Variants in MCUB observed in about 807,000 individuals in gnomAD.
The protein encoded by MCUB is calcium uniporter regulatory subunit MCUb, mitochondrial.
Under a neutral mutation model 41.4 loss-of-function variants are expected in MCUB, and 46 were observed. That is an observed-to-expected ratio of 1.11 (90% CI 0.88 to 1.42). The LOEUF (loss-of-function observed/expected upper bound fraction) is 1.42, where lower values mean the gene tolerates loss of function less well. Ranked by LOEUF, MCUB falls within the 40% of genes most tolerant of loss-of-function variation. MCUB has a pLI of 0.00. For synonymous variants in MCUB, 148 were observed against 148.2 expected (o/e 1.00, Z 0.01); for missense variants, 403 against 404.9 (o/e 1.00, Z 0.04).
chr4:109,681,969 G>C (rs1729727017), intron 4 of MCUB, among the ~76,000 whole-genome samples: 1 of 152,254 alleles, frequency 6.6e-6, no homozygotes, highest in Non-Finnish European at 1.5e-5. Context: ...TCGAATGCCT[G>C]GTTTTATATC....
At chr4:109,632,678 C>G (rs924134954) in intron 1 of MCUB, among the ~76,000 whole-genome samples, 4 of 144,362 alleles carry the variant, frequency 2.8e-5, no homozygotes, top group African/African-American at 1.0e-4. Context: ...TGCAATGGCG[C>G]GATCTTGATT....
chr4:109,575,561 T>C (rs1342821433), intron 1 of MCUB, among the ~76,000 whole-genome samples: 2 of 152,218 alleles, frequency 1.3e-5, no homozygotes, highest in Non-Finnish European at 2.9e-5. Context: ...AGTGGGATTG[T>C]GCTGCCATTT....
intron 1 of MCUB, among the ~76,000 whole-genome samples, chr4:109,609,558 C>G (rs1727953423): frequency 6.6e-6 from 1 of 152,170 alleles, no homozygotes; most frequent in African/African-American, 2.4e-5. Context: ...GACCTCCTAT[C>G]TCATTCTGTG....
chr4:109,628,826 G>A (rs1728415474), intron 1 of MCUB, among the ~76,000 whole-genome samples: 1 of 152,232 alleles, frequency 6.6e-6, no homozygotes, highest in Non-Finnish European at 1.5e-5. Flanking sequence ...AGGCCCTGCA[G>A]ATAGAGCCAG....
At chr4:109,630,701 C>T (rs1273731242) in intron 1 of MCUB, among the ~76,000 whole-genome samples, 1 of 152,112 alleles carries the variant, frequency 6.6e-6, no homozygotes, top group African/African-American at 2.4e-5. Context: ...CCTGTCTGAG[C>T]CTCCCGAGTA....
chr4:109,585,535 T>C (rs1235815703), intron 1 of MCUB, among the ~76,000 whole-genome samples: 1 of 152,228 alleles, frequency 6.6e-6, no homozygotes, highest in Non-Finnish European at 1.5e-5. Context: ...TGCAGTTTCT[T>C]CCTAGCATTG....
intron 4 of MCUB, among the ~76,000 whole-genome samples, chr4:109,675,881 C>T (rs1334156403): frequency 6.6e-6 from 1 of 152,158 alleles, no homozygotes; most frequent in East Asian, 1.9e-4. Context: ...AAGGGTCTCA[C>T]CAAATATGCC....
At chr4:109,658,328 G>C (rs532478359) in intron 1 of MCUB, among the ~76,000 whole-genome samples, 1 of 151,076 alleles carries the variant, frequency 6.6e-6, no homozygotes, top group East Asian at 1.9e-4. Context: ...ACAGAGTTTT[G>C]CTCTTGTTAC....
intron 1 of MCUB, among the ~76,000 whole-genome samples, chr4:109,653,092 T>A (rs72674835): frequency 0.1 from 15,351 of 152,138 alleles, 885 homozygotes; most frequent in Non-Finnish European, 0.13. Flanking sequence ...TAAAGAACGG[T>A]CAGGCTGGGT....
chr4:109,673,554 A>C (rs1336106938), intron 4 of MCUB, among the ~76,000 whole-genome samples: 2 of 152,256 alleles, frequency 1.3e-5, no homozygotes, highest in African/African-American at 4.8e-5. Flanking sequence ...GGGACACAGC[A>C]GGTATAGTTA....
intron 4 of MCUB, among the ~76,000 whole-genome samples, chr4:109,677,714 A>G (rs1579096407): frequency 6.6e-6 from 1 of 151,922 alleles, no homozygotes; most frequent in Non-Finnish European, 1.5e-5. Flanking sequence ...ATTATGATGC[A>G]GCAAGAAGGC....
chr4:109,680,760 A>C (rs1382069201), intron 4 of MCUB, among the ~76,000 whole-genome samples: 3 of 152,206 alleles, frequency 2.0e-5, no homozygotes, highest in African/African-American at 4.8e-5. Context: ...TACTGGGCTG[A>C]TACCAACTCT....
chr4:109,671,648 G>C (rs980665058), intron 4 of MCUB, among the ~76,000 whole-genome samples: 1 of 152,000 alleles, frequency 6.6e-6, no homozygotes, highest in Non-Finnish European at 1.5e-5. Flanking sequence ...TTTTCCATTA[G>C]AGCCTTTAAT....
At chr4:109,681,850 C>G (rs1162357176) in intron 4 of MCUB, among the ~76,000 whole-genome samples, 1 of 152,232 alleles carries the variant, frequency 6.6e-6, no homozygotes, top group Non-Finnish European at 1.5e-5. Context: ...CGAGCAGTAA[C>G]AAACACGAAC....
chr4:109,600,945 C>T (rs1227479479), intron 1 of MCUB, among the ~76,000 whole-genome samples: 1 of 152,182 alleles, frequency 6.6e-6, no homozygotes, highest in East Asian at 1.9e-4. Context: ...CAAGTGCCCA[C>T]CACCAAGCCC....
intron 1 of MCUB, among the ~76,000 whole-genome samples, chr4:109,562,146 C>T (rs1034601828): frequency 6.6e-6 from 1 of 152,100 alleles, no homozygotes; most frequent in Non-Finnish European, 1.5e-5. Context: ...CCTGCAAATC[C>T]TTTTCTCCAT....
At chr4:109,612,838 GTC>G (rs1728042335) in intron 1 of MCUB, among the ~76,000 whole-genome samples, 1 of 152,180 alleles carries the variant, frequency 6.6e-6, no homozygotes. Context: ...CGGGTGCGGT[GTC>G]TCACGCCTGT....
intron 3 of MCUB, among the ~76,000 whole-genome samples, chr4:109,663,329 G>A (rs928098359): frequency 6.6e-6 from 1 of 152,180 alleles, no homozygotes; most frequent in African/African-American, 2.4e-5. Flanking sequence ...CTTAACACCT[G>A]GATTACATTA....
chr4:109,650,702 A>C (rs1402275411), intron 1 of MCUB, among the ~76,000 whole-genome samples: 1 of 152,210 alleles, frequency 6.6e-6, no homozygotes, highest in Non-Finnish European at 1.5e-5. Context: ...GTACATAACC[A>C]CCATCTAATT....
Sources: allele counts gnomAD v4.1 joint callset (sites outside exome capture counted in the v4.1 genomes callset), GRCh38; gene constraint gnomAD v4.1.1; transcripts MANE v1.5; gene names NCBI Gene and HGNC (gene_info 2026-07-23, HGNC 2026-07-21).